The following FRAS1 variants were observed in gnomAD, a reference collection of about 807,000 sequenced individuals.
FRAS1 encodes the protein extracellular matrix organizing protein FRAS1.
In FRAS1, 290 loss-of-function variants were observed where a neutral mutation model predicts 435.2. That is an observed-to-expected ratio of 0.67 (90% CI 0.61 to 0.73). FRAS1 has a LOEUF of 0.73. Among genes scored for constraint, FRAS1 ranks in the 30% least tolerant of loss-of-function variants. The probability of loss-of-function intolerance (pLI) is 0.00; values close to 1 mark genes in which losing one functional copy is unlikely to be tolerated. For missense variants in FRAS1, 4,860 were observed against 5,001.5 expected (o/e 0.97, Z 0.85); for synonymous variants, 1,800 against 1,851.0 (o/e 0.97, Z 0.71).
At chr4:78,218,821 T>C (rs558894749) in intron 2 of FRAS1, among the ~76,000 whole-genome samples, 5 of 152,342 alleles carry the variant, frequency 3.3e-5, no homozygotes, top group African/African-American at 1.2e-4. Context: ...GTAGTTTGCT[T>C]GCATCCAAAT....
At chr4:78,452,611 G>T (rs12640857) in intron 47 of FRAS1, among the ~76,000 whole-genome samples, 48,302 of 152,052 alleles carry the variant, frequency 0.32, 7,930 homozygotes, top group Non-Finnish European at 0.36. Context: ...TAACTAGATG[G>T]TAAATTCCTT....
At chr4:78,072,697 C>A (rs1740417352) in intron 2 of FRAS1, among the ~76,000 whole-genome samples, 1 of 152,074 alleles carries the variant, frequency 6.6e-6, no homozygotes, top group African/African-American at 2.4e-5. Context: ...AGCAAAAATT[C>A]ATCATTTTTT....
intron 29 of FRAS1, among the ~76,000 whole-genome samples, chr4:78,388,956 A>G (rs1017706590): frequency 6.6e-6 from 1 of 152,218 alleles, no homozygotes. Context: ...GCCTCATCTT[A>G]ATAAATAATA....
chr4:78,286,390 A>G lies in FRAS1; in HGVS notation c.1400-15A>G. 1.2e-6 allele frequency: 2 copies of G among 1,613,072 alleles called. No individual in the cohort carries two copies. Among genetic ancestry groups the G allele is most frequent in the Admixed American group, 1.7e-5 (1 of 60,028 alleles). ...AATGGTTCCTTTCTCTTTCTTCAACATTATCTGGAGTCAGCCTGCCAGCCC... is the reference window on the plus strand; with the variant it reads ...AATGGTTCCTTTCTCTTTCTTCAACGTTATCTGGAGTCAGCCTGCCAGCCC... On this transcript the variant is annotated splice_polypyrimidine_tract_variant and intron_variant, in intron 13 of 73. Transcript: ENST00000512123.
chr4:78,365,990 G>A (rs1039365987), intron 22 of FRAS1, among the ~76,000 whole-genome samples: 15 of 151,082 alleles, frequency 9.9e-5, no homozygotes, highest in East Asian at 5.8e-4. Flanking sequence ...GATTCAACAC[G>A]CTCTATTCTA....
chr4:78,407,649 CT>C lies in FRAS1; in HGVS notation c.4130-13del. 6.2e-7 allele frequency: 1 copy of C among 1,601,848 alleles called. No homozygotes were observed. The highest frequency in any genetic ancestry group is 1.7e-4 in the Middle Eastern group (1 of 5,846). On this transcript the variant is annotated splice_polypyrimidine_tract_variant and intron_variant, in intron 30 of 73. Transcript: ENST00000512123. ...TAGGGACCCTCACTAACTATGTGGC[CT>C]GTGCCTTCCTAGGGGAGGTGGTCCT...
At chr4:78,191,117 T>A (rs1261239621) in intron 2 of FRAS1, among the ~76,000 whole-genome samples, 1 of 152,216 alleles carries the variant, frequency 6.6e-6, no homozygotes, top group African/African-American at 2.4e-5. Flanking sequence ...CTTGGACTTT[T>A]CAGCCTCCAG....
intron 38 of FRAS1, among the ~76,000 whole-genome samples, chr4:78,434,942 A>G (rs1734357847): frequency 6.6e-6 from 1 of 152,228 alleles, no homozygotes; most frequent in South Asian, 2.1e-4. Context: ...TTTAGTATTG[A>G]AAAGGCATCA....
intron 32 of FRAS1, among the ~76,000 whole-genome samples, chr4:78,416,144 A>G (rs183376906): frequency 2.0e-5 from 3 of 152,334 alleles, no homozygotes; most frequent in Admixed American, 1.3e-4. Flanking sequence ...AGGCTACAAC[A>G]TAGATGAATG....
intron 10 of FRAS1, among the ~76,000 whole-genome samples, chr4:78,280,482 C>T (rs535961658): frequency 6.6e-6 from 1 of 152,036 alleles, no homozygotes; most frequent in East Asian, 1.9e-4. Flanking sequence ...TTAGTATTTT[C>T]CCAACATAGT....
chr4:78,115,366 C>T (rs1213087744), intron 2 of FRAS1, among the ~76,000 whole-genome samples: 1 of 152,108 alleles, frequency 6.6e-6, no homozygotes, highest in African/African-American at 2.4e-5. Context: ...GGAGGATTTC[C>T]TCTTTTTCTA....
In FRAS1 at chr4:78,333,259, A is replaced by T. The variant is rs1432473124; in HGVS notation, c.2138-13A>T. ...CTTTCCTGATTGTCTCCTTTGCTTT[A>T]TCTTTCCCCCAGCTTGCCACCAGTC... is the stretch of plus-strand genomic sequence containing the variant. On this transcript the variant is annotated splice_polypyrimidine_tract_variant and intron_variant, in intron 18 of 73. Transcript: ENST00000512123. The T allele has an allele frequency of 1.9e-6, 3 of 1,598,818 alleles. No individual in the cohort carries two copies. Among genetic ancestry groups the T allele is most frequent in the Non-Finnish European group, 2.6e-6 (3 of 1,173,376 alleles).
chr4:78,537,375 A>G lies in FRAS1; in HGVS notation c.11298+175A>G, dbSNP rs545375262. Among the ~76,000 whole-genome samples the G allele has an allele frequency of 4.6e-5, 7 of 152,328 alleles. 1 individual carries two copies. The highest frequency in any genetic ancestry group is 4.6e-4 in the Admixed American group (7 of 15,302). On this transcript the variant is annotated intron_variant, in intron 72 of 73. Transcript: ENST00000512123. The stretch of plus-strand genomic sequence containing the variant: ...TACTAGTACATAGGTGGTAGTTACG[A>G]TGAGTAACAAGACAAACTTCCATTG...
At chr4:78,181,388 C>T (rs1721992824) in intron 2 of FRAS1, 1 of 1,611,948 alleles carries the variant, frequency 6.2e-7, no homozygotes, top group Non-Finnish European at 8.5e-7. Flanking sequence ...GTTGTGAGAT[C>T]CGCTACCTCC....
intron 4 of FRAS1, among the ~76,000 whole-genome samples, chr4:78,250,935 C>T (rs987318526): frequency 2.0e-5 from 3 of 152,048 alleles, no homozygotes; most frequent in Non-Finnish European, 4.4e-5. Context: ...CTTTTTCTTA[C>T]TTCTTATAAA....
chr4:78,151,918 G>T (rs902422483), intron 2 of FRAS1, among the ~76,000 whole-genome samples: 10 of 152,126 alleles, frequency 6.6e-5, no homozygotes, highest in African/African-American at 2.4e-4. Context: ...GAGTAGTCAA[G>T]AATTCTTACT....
At chr4:78,382,107 A>G (rs1732045057) in intron 27 of FRAS1, among the ~76,000 whole-genome samples, 1 of 152,138 alleles carries the variant, frequency 6.6e-6, no homozygotes, top group Admixed American at 6.5e-5. Context: ...GTGGAGTAAA[A>G]GACAACTTAT....
intron 9 of FRAS1, among the ~76,000 whole-genome samples, chr4:78,277,592 G>T (rs1045150609): frequency 1.3e-5 from 2 of 151,992 alleles, no homozygotes; most frequent in South Asian, 4.2e-4. Flanking sequence ...GTATACACAT[G>T]AAAAACAGCA....
At chr4:78,247,248 T>C (rs1725287281) in intron 4 of FRAS1, among the ~76,000 whole-genome samples, 1 of 152,144 alleles carries the variant, frequency 6.6e-6, no homozygotes, top group Non-Finnish European at 1.5e-5. Flanking sequence ...TAATACACCA[T>C]GTAGAAAGCT....
Sources: allele counts gnomAD v4.1 joint callset (sites outside exome capture counted in the v4.1 genomes callset), GRCh38; gene constraint gnomAD v4.1.1; transcripts MANE v1.5; gene names NCBI Gene and HGNC (gene_info 2026-07-23, HGNC 2026-07-21).